TMIGD1: variants seen among roughly 807,000 people sequenced by gnomAD.
TMIGD1 encodes transmembrane and immunoglobulin domain containing 1, also known as transmembrane and immunoglobulin domain-containing protein 1.
In TMIGD1, 29 loss-of-function variants were observed where a neutral mutation model predicts 27.5. The ratio of observed to expected loss-of-function variants is 1.05; its 90% confidence interval spans 0.78 to 1.44. The LOEUF (loss-of-function observed/expected upper bound fraction) is 1.44. Ranked by LOEUF, TMIGD1 falls within the 40% of genes most tolerant of loss-of-function variation. TMIGD1 has a pLI of 0.00. For synonymous variants in TMIGD1, 109 were observed against 110.3 expected (o/e 0.99, Z 0.07); for missense variants, 334 against 310.6 (o/e 1.08, Z -0.57).
intron 2 of TMIGD1, among the ~76,000 whole-genome samples, chr17:30,330,192 G>A (rs575030231): frequency 1.3e-5 from 1 of 74,270 alleles, no homozygotes; most frequent in Admixed American, 2.1e-4. Context: ...CCCGACCCCC[G>A]GTGATTTGAG....
chr17:30,324,810 C>A lies in TMIGD1; in HGVS notation c.640+6G>T. Reference sequence around the variant, plus strand: ...TGTGCTGGGTATTACTTAAAAAGAGCATTACCTTTAACAATCAGGTGAAAG... The same window carrying A: ...TGTGCTGGGTATTACTTAAAAAGAGAATTACCTTTAACAATCAGGTGAAAG... On this transcript the variant is annotated splice_donor_region_variant and intron_variant, in intron 4 of 6. Coordinates refer to ENST00000328886, the MANE Select transcript of TMIGD1 (RefSeq NM_206832.3). 1.2e-6 allele frequency: 2 copies of A among 1,613,242 alleles called. No individual in the cohort carries two copies. The highest frequency in any genetic ancestry group is 4.5e-5 in the East Asian group (2 of 44,856).
chr17:30,330,574 G>A (rs1327198238), intron 2 of TMIGD1, among the ~76,000 whole-genome samples: 1 of 152,158 alleles, frequency 6.6e-6, no homozygotes, highest in African/African-American at 2.4e-5. Flanking sequence ...TGGACAAATT[G>A]GGTCTTGCAT....
intron 4 of TMIGD1, among the ~76,000 whole-genome samples, chr17:30,319,276 A>ATATATATATATATATATATT (rs1909539874): frequency 7.6e-6 from 1 of 132,136 alleles, no homozygotes; most frequent in African/African-American, 3.1e-5. Context: ...ATATATATAT[A>ATATATATATATATATATATT]TAGCTGGGCA....
chr17:30,332,921 C>T (rs1206083699), intron 1 of TMIGD1, among the ~76,000 whole-genome samples: 1 of 152,084 alleles, frequency 6.6e-6, no homozygotes, highest in Non-Finnish European at 1.5e-5. Flanking sequence ...ACTTTACATA[C>T]ATCATTTCAG....
At chr17:30,319,029 A>G in intron 4 of TMIGD1, 116 bp from the exon 5 acceptor site, 1 of 736,220 alleles carries the variant, frequency 1.4e-6, no homozygotes, top group Non-Finnish European at 2.3e-6. Flanking sequence ...CCTTCTCAAC[A>G]ATCTCAAAAA....
At chr17:30,324,726 GTTA>G in intron 4 of TMIGD1, 87 bp downstream of exon 4, 1 of 1,447,528 alleles carries the variant, frequency 6.9e-7, no homozygotes, top group Admixed American at 2.0e-5. Context: ...AATCATAACC[GTTA>G]TTATCATTTA....
intron 2 of TMIGD1, among the ~76,000 whole-genome samples, chr17:30,329,930 A>T (rs1003919830): frequency 2.1e-4 from 32 of 151,792 alleles, no homozygotes; most frequent in African/African-American, 6.3e-4. Context: ...AATAAAAAAA[A>T]AAACATTAGC....
At chr17:30,317,125 G>C in intron 6 of TMIGD1, 68 bp downstream of exon 6, 1 of 1,517,796 alleles carries the variant, frequency 6.6e-7, no homozygotes, top group East Asian at 2.3e-5. Flanking sequence ...AGTTTGTCTA[G>C]AGTGATGCAT....
intron 1 of TMIGD1, among the ~76,000 whole-genome samples, chr17:30,332,855 T>C (rs778836859): frequency 6.6e-6 from 1 of 152,194 alleles, no homozygotes; most frequent in Non-Finnish European, 1.5e-5. Context: ...AGTACTACTA[T>C]AAATATAGCG....
chr17:30,316,571 T>C lies in TMIGD1; in HGVS notation c.*116A>G. The C allele has an allele frequency of 9.7e-7, 1 of 1,035,046 alleles. No individual in the cohort carries two copies. The highest frequency in any genetic ancestry group is 1.5e-6 in the Non-Finnish European group (1 of 686,090). The allele number at this position is 1,035,046 out of a possible 1,614,324, so 64.1% of individuals were successfully genotyped here. ...CTAACAACTACTGTTAAGTGATTAA[T>C]GAAACAGGAGTGACAGGAGTGAATT... On this transcript the variant is annotated 3_prime_UTR_variant, in exon 7 of 7. Transcript: ENST00000328886.
intron 1 of TMIGD1, among the ~76,000 whole-genome samples, chr17:30,333,215 G>T (rs920442342): frequency 2.0e-5 from 3 of 151,044 alleles, no homozygotes; most frequent in Non-Finnish European, 4.4e-5. Context: ...ATTACCTGAG[G>T]TCAGGAGTTT....
chr17:30,333,405 C>T (rs1022875120), intron 1 of TMIGD1, among the ~76,000 whole-genome samples: 2 of 151,962 alleles, frequency 1.3e-5, no homozygotes, highest in Non-Finnish European at 2.9e-5. Context: ...TATGCCACTG[C>T]ACTCCAGCCT....
intron 4 of TMIGD1, among the ~76,000 whole-genome samples, chr17:30,323,423 G>A (rs554324132): frequency 1.5e-4 from 23 of 152,284 alleles, no homozygotes; most frequent in Admixed American, 7.8e-4. Context: ...CCAGGTGAGG[G>A]CTCATGAAAA....
intron 3 of TMIGD1, among the ~76,000 whole-genome samples, chr17:30,328,008 G>A (rs557633707): frequency 6.6e-6 from 1 of 151,238 alleles, no homozygotes; most frequent in African/African-American, 2.4e-5. Flanking sequence ...TGATTTTAAG[G>A]TGATGTTTAA....
At chr17:30,322,911 C>T (rs1296241221) in intron 4 of TMIGD1, among the ~76,000 whole-genome samples, 1 of 152,190 alleles carries the variant, frequency 6.6e-6, no homozygotes, top group Non-Finnish European at 1.5e-5. Context: ...TGGTTCATGC[C>T]TGTAACCCCA....
Position 30,319,261 on chromosome 17 carries a change from A to AAAAT in TMIGD1, c.641-349_641-348insATTT. ...TGTAAAAAAAAAAGAAAAAAAAAAA[A>AAAAT]ATATATATATATATATAGCTGGGCA... On this transcript the variant is annotated intron_variant, in intron 4 of 6. Transcript: ENST00000328886. Among the ~76,000 whole-genome samples the AAAAT allele has an allele frequency of 3.9e-3, 269 of 69,056 alleles. 9 individuals are homozygous for AAAAT. The highest frequency in any genetic ancestry group is 0.022 in the African/African-American group (246 of 11,044). 45.3% of individuals were successfully genotyped at this position (69,056 alleles called of 152,430 possible). A position where few individuals can be genotyped will look rare whatever the true frequency, so the allele number is the denominator to read the frequency against.
At chr17:30,325,564 TA>T (rs34218272) in intron 3 of TMIGD1, among the ~76,000 whole-genome samples, 54,109 of 150,406 alleles carry the variant, frequency 0.36, 10,235 homozygotes, top group Admixed American at 0.42. Flanking sequence ...GTTTCTCATG[TA>T]AAAAAAAAAT....
At position 30,324,827 on chromosome 17, in the gene TMIGD1, A is replaced by G; in HGVS notation, c.629T>C (p.Leu210Pro). 1 of 1,613,856 alleles carries G rather than the reference A, an allele frequency of 6.2e-7. No homozygotes were observed. Among genetic ancestry groups the G allele is most frequent in the Non-Finnish European group, 8.5e-7 (1 of 1,179,744 alleles). ...SLKTESLDFH[L>P]IVKDKTVGVP... ...AAAAAGAGCATTACCTTTAACAATC[A>G]GGTGAAAGTCCAAGCTCTCCGTTTT... Residue 210 changes from leucine to proline, a missense_variant, in exon 4 of 7, where the codon CTG (leucine) becomes CCG (proline). Transcript: ENST00000328886.
intron 3 of TMIGD1, 114 bp from the exon 4 acceptor site, chr17:30,325,208 T>G (rs1038528336): frequency 5.3e-6 from 6 of 1,142,646 alleles, no homozygotes; most frequent in East Asian, 4.8e-5. Context: ...TGACAAAAAT[T>G]TATTAAATAC....
Sources: allele counts gnomAD v4.1 joint callset (sites outside exome capture counted in the v4.1 genomes callset), GRCh38; gene constraint gnomAD v4.1.1; transcripts MANE v1.5; gene names NCBI Gene and HGNC (gene_info 2026-07-23, HGNC 2026-07-21).